ADSS1: variants seen among roughly 807,000 people sequenced by gnomAD.
The protein encoded by ADSS1 is adenylosuccinate synthase 1, also known as adenylosuccinate synthetase isozyme 1.
Under a neutral mutation model 59.1 loss-of-function variants are expected in ADSS1, and 57 were observed. The ratio of observed to expected loss-of-function variants is 0.97; its 90% CI spans 0.78 to 1.20. The LOEUF is 1.20. ADSS1 is among the 50% of genes most tolerant of loss of function. The pLI, the probability that ADSS1 is intolerant of heterozygous loss-of-function variation, is 0.00. For missense variants in ADSS1, 603 were observed against 610.3 expected, an observed-to-expected ratio of 0.99 and a Z score of 0.13; for synonymous variants, 247 against 249.4, an observed-to-expected ratio of 0.99 and a Z score of 0.09.
At chr14:104,727,368 G>A (rs983605148) in intron 1 of ADSS1, among the ~76,000 whole-genome samples, 5 of 151,830 alleles carry the variant, frequency 3.3e-5, no homozygotes, top group African/African-American at 4.8e-5. Flanking sequence ...ATTCCAGGGC[G>A]GCTCTGGGTC....
chr14:104,739,189 CAG>C, intron 3 of ADSS1, 137 bp from the exon 4 acceptor site: 1 of 819,588 alleles, frequency 1.2e-6, no homozygotes, highest in Non-Finnish European at 1.9e-6. Flanking sequence ...TGCTGCGCAA[CAG>C]AGGTGGCCCT....
Position 104,740,923 on chromosome 14 carries a change from G to A in ADSS1, c.666+3G>A. ...AAGGCCAACTCAAAAGGCTCAAGGT[G>A]AAGTCGGGGCCGCAGTGTGGGGGCT... On this transcript the variant is annotated splice_donor_region_variant and intron_variant, in intron 7 of 12. Transcript: ENST00000330877. The surrounding 1 kb of genome is among the most constrained non-coding windows in gnomAD (Gnocchi z 4.8). 3 of 1,613,980 alleles carry A rather than the reference G, an allele frequency of 1.9e-6. No individual in the cohort carries two copies. Among genetic ancestry groups the A allele is most frequent in the Non-Finnish European group, 2.5e-6 (3 of 1,180,028 alleles).
At chr14:104,743,772 T>C (rs1891459555) in intron 10 of ADSS1, among the ~76,000 whole-genome samples, 1 of 152,202 alleles carries the variant, frequency 6.6e-6, no homozygotes, top group African/African-American at 2.4e-5. Flanking sequence ...AGACCCCTGC[T>C]AGGTGGGTAT....
intron 5 of ADSS1, 43 bp downstream of exon 5, chr14:104,739,859 G>A (rs978922525): frequency 1.2e-6 from 2 of 1,604,752 alleles, no homozygotes; most frequent in Non-Finnish European, 1.7e-6. Context: ...AGTCTTCTGG[G>A]CCCGTAAGCC....
chr14:104,739,213 C>T (rs552786818), intron 3 of ADSS1, 115 bp from the exon 4 acceptor site: 6 of 1,109,328 alleles, frequency 5.4e-6, no homozygotes, highest in Non-Finnish European at 7.8e-6. Flanking sequence ...TCAGCCTCCT[C>T]CCTGCATGCC....
chr14:104,746,215 T>A (rs1891548715), intron 11 of ADSS1, 21 bp from the exon 12 acceptor site: 2 of 1,593,484 alleles, frequency 1.3e-6, no homozygotes, highest in Non-Finnish European at 1.7e-6. Flanking sequence ...GCCCCACTCA[T>A]CTCCTGTGTG....
rs548480808 is a variant in ADSS1, at chr14:104,735,858, C to CA, written c.295+737dup. Among the ~76,000 whole-genome samples, 240 of 152,350 alleles carry CA rather than the reference C, an allele frequency of 1.6e-3. 2 individuals carry two copies. The highest frequency in any genetic ancestry group is 4.3e-4 in the Non-Finnish European group (29 of 68,032). On this transcript the variant is annotated intron_variant, in intron 2 of 12. Coordinates refer to ENST00000330877, the MANE Select transcript of ADSS1 (RefSeq NM_152328.5). ...GCTCTTAGCCCAAAACCCCCTTGCT[C>CA]AGAGAAGCTTTTCCTGATCCCAGTG...
intron 1 of ADSS1, among the ~76,000 whole-genome samples, chr14:104,727,636 C>T (rs907704541): frequency 3.9e-5 from 6 of 152,184 alleles, no homozygotes; most frequent in African/African-American, 1.4e-4. Flanking sequence ...TCCTCCCTTG[C>T]GTCCATGGCG....
intron 1 of ADSS1, among the ~76,000 whole-genome samples, chr14:104,727,896 C>A (rs954611111): frequency 1.4e-4 from 21 of 152,234 alleles, no homozygotes; most frequent in Non-Finnish European, 2.9e-5. Context: ...CCTCAGGGCA[C>A]TGGGCTGTTT....
intron 1 of ADSS1, among the ~76,000 whole-genome samples, chr14:104,724,938 G>C (rs1467227062): frequency 6.6e-6 from 1 of 152,214 alleles, no homozygotes; most frequent in Non-Finnish European, 1.5e-5. Context: ...GGTGGTGGAG[G>C]GGGTAAAAGC....
chr14:104,730,974 G>GGGC (rs1890910631), intron 1 of ADSS1, among the ~76,000 whole-genome samples: 5 of 82,786 alleles, frequency 6.0e-5, no homozygotes, highest in Admixed American at 2.5e-4. Flanking sequence ...GGGGGGGGGG[G>GGGC]CTCAGTGTCC....
chr14:104,744,091 C>T (rs1891470713), intron 10 of ADSS1, among the ~76,000 whole-genome samples: 1 of 125,854 alleles, frequency 7.9e-6, no homozygotes, highest in Non-Finnish European at 1.7e-5. Context: ...GGTGGGTGGG[C>T]AGGGACCAGG....
At chr14:104,726,785 C>T (rs1193724045) in intron 1 of ADSS1, among the ~76,000 whole-genome samples, 1 of 152,218 alleles carries the variant, frequency 6.6e-6, no homozygotes, top group African/African-American at 2.4e-5. Context: ...AAGTGCACGC[C>T]GTGGGCAGAG....
intron 1 of ADSS1, among the ~76,000 whole-genome samples, 178 bp downstream of exon 1, chr14:104,724,640 A>G (rs1474893318): frequency 6.7e-6 from 1 of 149,942 alleles, no homozygotes; most frequent in East Asian, 2.0e-4. Context: ...CACTCACACA[A>G]CCCCCGACCC....
intron 1 of ADSS1, among the ~76,000 whole-genome samples, chr14:104,733,256 A>G (rs553925244): frequency 6.6e-6 from 1 of 152,220 alleles, no homozygotes; most frequent in East Asian, 1.9e-4. Flanking sequence ...CTGGTTTCCT[A>G]TAAGGACTGG....
rs746858612 is a variant in ADSS1, at chr14:104,741,913, C to A, written c.859C>A (p.Pro287Thr). ...CGGTGTGTGCACGGGCCTGGGCATC[C>A]CCCCGCAGAACATAGGTGACGTGTA... ...VGGVCTGLGIPPQNIGDVYGV... is the reference protein window; with the variant it reads ...VGGVCTGLGITPQNIGDVYGV... Residue 287 changes from proline to threonine, a missense_variant, in exon 9 of 13, where the codon CCC becomes ACC. Pro to Thr is a conservative substitution (Grantham distance 38, BLOSUM62 -1). Coordinates refer to ENST00000330877, the MANE Select transcript of ADSS1 (RefSeq NM_152328.5). 41 of 1,613,516 alleles carry A rather than the reference C, an allele frequency of 2.5e-5. No individual in the cohort carries two copies. The highest frequency in any genetic ancestry group is 3.5e-5 in the Non-Finnish European group (41 of 1,180,008).
chr14:104,736,555 G>A (rs1891130054), intron 2 of ADSS1, among the ~76,000 whole-genome samples: 2 of 152,144 alleles, frequency 1.3e-5, no homozygotes, highest in Admixed American at 6.5e-5. Context: ...GGTCACTCTC[G>A]TCTGGACTGA....
chr14:104,745,342 A>G (rs1188988763), intron 11 of ADSS1: 1 of 162,698 alleles, frequency 6.1e-6, no homozygotes, highest in Non-Finnish European at 1.3e-5. Context: ...TTGTGGCGAG[A>G]TTTTTAAGAC....
rs1566804236 is a variant in ADSS1, at chr14:104,746,336, A to AT, written c.1272_1273insT (p.Gln425SerfsTer38). ...CCAGGAGGTGGGAGGACCTGCCCCC[A>AT]CAGGCCCAGAACTACATCCGCTTTG... On this transcript the variant is annotated frameshift_variant, in exon 12 of 13. Coordinates refer to ENST00000330877, the MANE Select transcript of ADSS1 (RefSeq NM_152328.5). LOFTEE classifies it high-confidence loss of function. 1 of 1,613,788 alleles carries AT rather than the reference A, an allele frequency of 6.2e-7. No individual in the cohort carries two copies. Among genetic ancestry groups the AT allele is most frequent in the Admixed American group, 1.7e-5 (1 of 60,026 alleles).
Sources: gnomAD v4.1 joint callset for allele counts (sites outside exome capture counted in the v4.1 genomes callset) on GRCh38, gnomAD v4.1.1 for gene constraint, Gnocchi (gnomAD v3.1) non-coding constraint, MANE v1.5 for transcripts, NCBI Gene and HGNC (gene_info 2026-07-23, HGNC 2026-07-21) for gene names.